Variants in ZNF184 observed in about 807,000 individuals in gnomAD.
The protein encoded by ZNF184 is zinc finger protein 184 (Kruppel-like).
ZNF184 carries 16 observed loss-of-function variants against 54.4 expected under a neutral mutation model. That is an observed-to-expected ratio of 0.29 (90% CI 0.20 to 0.45). The LOEUF is 0.45. Among genes scored for constraint, ZNF184 ranks in the 20% least tolerant of loss-of-function variants. ZNF184 has a pLI of 1.00. For synonymous variants in ZNF184, 254 were observed against 295.3 expected (o/e 0.86, Z 1.43); for missense variants, 681 against 888.2 (o/e 0.77, Z 2.97).
At position 27,452,294 on chromosome 6, in the gene ZNF184, T is replaced by G. The variant is rs750617243; in HGVS notation, c.1265A>C (p.Glu422Ala). Residue 422 changes from glutamate (E) to alanine (A), a missense_variant, in exon 6 of 6, where the codon GAA becomes GCA. By Grantham distance (107) the Glu-to-Ala change is moderately radical (BLOSUM62 -1). Coordinates refer to ENST00000683788, the MANE Select transcript of ZNF184 (RefSeq NM_001318891.2). This position sits in a 1 kb window ranked among gnomAD's most constrained non-coding sequence, Gnocchi z 5.5. ...HTGEKPYECN[E>A]CGKAFSQHSN... The stretch of plus-strand genomic sequence containing the variant: ...GTGCTGGCTGAAGGCTTTCCCACAT[T>G]CATTGCATTCGTACGGTTTTTCACC... 1.9e-6 allele frequency: 3 copies of G among 1,614,134 alleles called. No homozygotes were observed. In the South Asian group the frequency reaches 3.3e-5, roughly 18 times the overall value.
chr6:27,437,574 C>A, the ZNF184 span, among the ~76,000 whole-genome samples: 1 of 152,238 alleles, frequency 6.6e-6, no homozygotes, highest in South Asian at 2.1e-4. Flanking sequence ...TTGAACCTAC[C>A]CAGACTTCTG....
the ZNF184 span, among the ~76,000 whole-genome samples, chr6:27,427,459 C>T: frequency 6.6e-6 from 1 of 152,196 alleles, no homozygotes; most frequent in Non-Finnish European, 1.5e-5. Flanking sequence ...GGGCTTTACC[C>T]TCCTACTTCT....
At chr6:27,432,534 A>T in the ZNF184 span, among the ~76,000 whole-genome samples, 82 of 152,144 alleles carry the variant, frequency 5.4e-4, no homozygotes, top group African/African-American at 1.7e-3. The surrounding 1 kb of genome is among the most constrained non-coding windows in gnomAD (Gnocchi z 4.0). Flanking sequence ...AAAAGATCTC[A>T]AGAGATGATG....
chr6:27,465,839 C>T (rs1179825501), intron 3 of ZNF184, among the ~76,000 whole-genome samples: 1 of 147,020 alleles, frequency 6.8e-6, no homozygotes, highest in African/African-American at 2.5e-5. Flanking sequence ...AACAAGCAGA[C>T]AGGAAATCAG....
the ZNF184 span, among the ~76,000 whole-genome samples, chr6:27,436,621 T>C: frequency 6.6e-6 from 1 of 152,244 alleles, no homozygotes; most frequent in Non-Finnish European, 1.5e-5. Context: ...CAGGAATAAA[T>C]TTCACTCATT....
chr6:27,438,574 T>A, the ZNF184 span, among the ~76,000 whole-genome samples: 1 of 152,286 alleles, frequency 6.6e-6, no homozygotes, highest in East Asian at 1.9e-4. Context: ...TTTAAAGTAA[T>A]CTCTTCTAGG....
intron 4 of ZNF184, 57 bp from the exon 5 acceptor site, chr6:27,456,978 G>A: frequency 6.9e-7 from 1 of 1,447,106 alleles, no homozygotes; most frequent in South Asian, 1.2e-5. Flanking sequence ...TACCATATCA[G>A]AATTCAATCA....
chr6:27,418,751 CT>C, the ZNF184 span, among the ~76,000 whole-genome samples: 1 of 151,996 alleles, frequency 6.6e-6, no homozygotes, highest in African/African-American at 2.4e-5. Flanking sequence ...CTTATATAGT[CT>C]GGGTATTATG....
rs756492355 is a variant in ZNF184 at position 27,451,312 on chromosome 6, A to G, written c.2247T>C (p.Pro749=). Reference sequence around the variant, plus strand: ...GATGTTCCTAGAATTGTCATATGCCAGGATGCAGTCTCTGATGTTTGTTGA... The same window carrying G: ...GATGTTCCTAGAATTGTCATATGCCGGGATGCAGTCTCTGATGTTTGTTGA... The part of the protein sequence containing the change: ...SALNKHQRLH[P]GI The change falls in exon 6 of 6, where the codon CCT becomes CCC. Residue 749 remains proline, a synonymous_variant. Transcript: ENST00000683788. The G allele has an allele frequency of 6.9e-6, 11 of 1,589,852 alleles. No homozygotes were observed. The highest frequency in any genetic ancestry group is 2.6e-6 in the Non-Finnish European group (3 of 1,168,496).
chr6:27,460,401 C>G (rs1453843310), intron 3 of ZNF184, among the ~76,000 whole-genome samples: 1 of 152,170 alleles, frequency 6.6e-6, no homozygotes, highest in Admixed American at 6.5e-5. Context: ...TGGACTAGCT[C>G]TTCCAATATA....
chr6:27,446,726 C>T (rs1762641107), downstream of ZNF184, among the ~76,000 whole-genome samples: 1 of 152,190 alleles, frequency 6.6e-6, no homozygotes, highest in Non-Finnish European at 1.5e-5. Flanking sequence ...AGATACGAGA[C>T]TCCAACCCAT....
At position 27,472,373 on chromosome 6, in the gene ZNF184, C is replaced by T. The variant is rs1763299076; in HGVS notation, c.-79G>A. The T allele has an allele frequency of 6.3e-7, 1 of 1,598,742 alleles. No homozygotes were observed. Among genetic ancestry groups the T allele is most frequent in the Non-Finnish European group, 8.6e-7 (1 of 1,167,756 alleles). ...GCGTTCCTTCAGCTGGTATCTCGGTCTAGGACTCAGATGTCTAACTCCCCT... is the reference window on the plus strand; with the variant it reads ...GCGTTCCTTCAGCTGGTATCTCGGTTTAGGACTCAGATGTCTAACTCCCCT... On this transcript the variant is annotated 5_prime_UTR_variant, in exon 2 of 6. Coordinates refer to ENST00000683788, the MANE Select transcript of ZNF184 (RefSeq NM_001318891.2). This position sits in a 1 kb window ranked among gnomAD's most constrained non-coding sequence, Gnocchi z 4.8.
chr6:27,422,235 A>C, the ZNF184 span, among the ~76,000 whole-genome samples: 1 of 146,292 alleles, frequency 6.8e-6, no homozygotes, highest in Non-Finnish European at 1.5e-5. Context: ...AGAAATTCAG[A>C]GACCACACTG....
chr6:27,472,467 T>C lies in ZNF184; in HGVS notation c.-139-34A>G. 8 of 696,922 alleles carry C rather than the reference T, an allele frequency of 1.1e-5. 1 individual carries two copies. The South Asian group carries it at 1.4e-4, about 12-fold the overall frequency. The allele number at this position is 696,922 out of a possible 1,614,324, so 43.2% of individuals were successfully genotyped here. On this transcript the variant is annotated intron_variant, in intron 1 of 5. Coordinates refer to ENST00000683788, the MANE Select transcript of ZNF184 (RefSeq NM_001318891.2). This position sits in a 1 kb window ranked among gnomAD's most constrained non-coding sequence, Gnocchi z 4.8. Reference sequence around the variant, plus strand: ...CACAGGATGGCGTCAGCAGCATACGTCACACAATCACACATCAGAGTCTTG... The same window carrying C: ...CACAGGATGGCGTCAGCAGCATACGCCACACAATCACACATCAGAGTCTTG...
At chr6:27,437,430 A>G in the ZNF184 span, among the ~76,000 whole-genome samples, 18 of 152,328 alleles carry the variant, frequency 1.2e-4, no homozygotes, top group African/African-American at 4.1e-4. Flanking sequence ...CAGTCCTTCA[A>G]TTACAAGGAA....
intron 2 of ZNF184, 59 bp from the exon 3 acceptor site, chr6:27,467,979 C>G: frequency 7.7e-7 from 1 of 1,297,718 alleles, no homozygotes; most frequent in Non-Finnish European, 1.1e-6. Context: ...CCCAGCAATC[C>G]ATAAATTCCA....
chr6:27,413,503 C>T, the ZNF184 span, among the ~76,000 whole-genome samples: 6 of 152,068 alleles, frequency 3.9e-5, no homozygotes, highest in Non-Finnish European at 7.4e-5. Flanking sequence ...AAAATGGACT[C>T]CTCTATGCTC....
chr6:27,447,104 TC>T (rs1762646727), downstream of ZNF184, among the ~76,000 whole-genome samples: 1 of 151,442 alleles, frequency 6.6e-6, no homozygotes, highest in African/African-American at 2.4e-5. Context: ...CTTAATGTTT[TC>T]CCTGTTGGGT....
At chr6:27,431,506 T>C in the ZNF184 span, among the ~76,000 whole-genome samples, 4 of 152,216 alleles carry the variant, frequency 2.6e-5, no homozygotes, top group African/African-American at 9.6e-5. Flanking sequence ...ATAATTATAG[T>C]TGACAGGAGG....
Sources: allele counts gnomAD v4.1 joint callset (sites outside exome capture counted in the v4.1 genomes callset), GRCh38; gene constraint gnomAD v4.1.1; non-coding constraint Gnocchi (gnomAD v3.1); transcripts MANE v1.5; gene names NCBI Gene and HGNC (gene_info 2026-07-23, HGNC 2026-07-21).